The following COL24A1 variants were observed in gnomAD, a reference collection of about 807,000 sequenced individuals.
COL24A1 encodes the protein collagen type XXIV alpha 1 chain.
In COL24A1, 224 loss-of-function variants were observed where a neutral mutation model predicts 253.9. The ratio of observed to expected loss-of-function variants is 0.88; its 90% CI spans 0.79 to 0.99. COL24A1 has a LOEUF of 0.99. Among genes scored for constraint, COL24A1 ranks in the 50% least tolerant of loss-of-function variants. COL24A1 has a pLI of 0.00. For synonymous variants in COL24A1, 685 were observed against 673.7 expected, an observed-to-expected ratio of 1.02 and a Z score of -0.26; for missense variants, 2,131 against 2,068.5, an observed-to-expected ratio of 1.03 and a Z score of -0.59.
intron 20 of COL24A1, among the ~76,000 whole-genome samples, chr1:85,980,955 A>G (rs2100858036): frequency 6.6e-6 from 1 of 152,282 alleles, no homozygotes; most frequent in East Asian, 1.9e-4. Flanking sequence ...AAGGTAAAAG[A>G]CCTCTACAAG....
intron 19 of COL24A1, among the ~76,000 whole-genome samples, chr1:86,001,717 T>C (rs1695430538): frequency 6.6e-6 from 1 of 152,066 alleles, no homozygotes; most frequent in Admixed American, 6.5e-5. Context: ...ACCGATTGTT[T>C]GAGATGGAAA....
intron 12 of COL24A1, chr1:86,045,736 G>T (rs914464074): frequency 3.0e-6 from 1 of 337,684 alleles, no homozygotes; most frequent in African/African-American, 2.1e-5. Flanking sequence ...CAATGTAAAT[G>T]CAGGGAAACA....
intron 24 of COL24A1, among the ~76,000 whole-genome samples, chr1:85,952,712 G>T (rs1243609999): frequency 6.6e-6 from 1 of 152,168 alleles, no homozygotes; most frequent in African/African-American, 2.4e-5. Context: ...AATCATTTAT[G>T]TATTCTCGAT....
At chr1:85,908,025 A>G (rs1372879406) in intron 27 of COL24A1, among the ~76,000 whole-genome samples, 1 of 151,808 alleles carries the variant, frequency 6.6e-6, no homozygotes, top group Non-Finnish European at 1.5e-5. Context: ...CACAAATAAT[A>G]AAAGTCTTCA....
intron 7 of COL24A1, among the ~76,000 whole-genome samples, chr1:86,080,370 T>C (rs1488330860): frequency 6.6e-6 from 1 of 152,158 alleles, no homozygotes; most frequent in East Asian, 1.9e-4. Context: ...TAGTATTTGC[T>C]AGCACAACAG....
chr1:85,941,307 C>T lies in COL24A1; in HGVS notation c.2562+19942G>A, dbSNP rs546876022. On this transcript the variant is annotated intron_variant, in intron 24 of 59. Transcript: ENST00000370571. ...ACTCAGAGTAAGAAAATCTACCATCCGATGCCTCCCCCCACTGTCAATATT... is the reference window on the plus strand; with the variant it reads ...ACTCAGAGTAAGAAAATCTACCATCTGATGCCTCCCCCCACTGTCAATATT... Among the ~76,000 whole-genome samples the T allele has an allele frequency of 4.6e-5, 7 of 152,126 alleles. No individual in the cohort carries two copies. In the East Asian group the frequency reaches 9.7e-4, roughly 21 times the overall value.
At chr1:85,858,623 CCTTCCTT>C (rs1377624607) in intron 37 of COL24A1, among the ~76,000 whole-genome samples, 3 of 82,184 alleles carry the variant, frequency 3.7e-5, no homozygotes, top group Non-Finnish European at 4.7e-5. Context: ...TTTTCTCCCT[CCTTCCTT>C]CCTTCCTTCC....
At chr1:85,748,117 A>G (rs1665467800) in intron 55 of COL24A1, among the ~76,000 whole-genome samples, 1 of 152,182 alleles carries the variant, frequency 6.6e-6, no homozygotes, top group Non-Finnish European at 1.5e-5. Context: ...CCTAATTTTT[A>G]TTTTTGCTTG....
chr1:85,915,204 T>C (rs1167447866), intron 24 of COL24A1, among the ~76,000 whole-genome samples: 2 of 152,228 alleles, frequency 1.3e-5, no homozygotes, highest in Non-Finnish European at 2.9e-5. Context: ...TCCATCTGAC[T>C]GCTTAGGCTG....
At chr1:85,926,239 A>C (rs193120435) in intron 24 of COL24A1, among the ~76,000 whole-genome samples, 1 of 152,342 alleles carries the variant, frequency 6.6e-6, no homozygotes, top group East Asian at 1.9e-4. Flanking sequence ...AGTGTAAACT[A>C]GTTCAACCAT....
chr1:86,144,283 G>C (rs1221711119), intron 2 of COL24A1, among the ~76,000 whole-genome samples: 2 of 151,900 alleles, frequency 1.3e-5, no homozygotes, highest in African/African-American at 4.8e-5. Flanking sequence ...CCTTTTGTTG[G>C]TTCTAGATTT....
chr1:85,832,860 T>C (rs1310086318), intron 43 of COL24A1, among the ~76,000 whole-genome samples: 2 of 150,974 alleles, frequency 1.3e-5, no homozygotes, highest in East Asian at 1.9e-4. Flanking sequence ...TATACAATCA[T>C]GTCATCTGCA....
At chr1:85,846,455 A>G (rs1417128413) in intron 39 of COL24A1, among the ~76,000 whole-genome samples, 1 of 151,988 alleles carries the variant, frequency 6.6e-6, no homozygotes, top group African/African-American at 2.4e-5. Context: ...GATAAATTGC[A>G]GAAAGAAAAG....
Position 85,842,131 on chromosome 1 carries a change from G to C in COL24A1, c.3517-10C>G. On this transcript the variant is annotated splice_polypyrimidine_tract_variant and intron_variant, in intron 40 of 59. Coordinates refer to ENST00000370571, the MANE Select transcript of COL24A1 (RefSeq NM_152890.7). Reference sequence around the variant, plus strand: ...GTTGGCCCTGATGGCCCTACGAAAGGACAAGTAGACATTTATACATGCTCT... The same window carrying C: ...GTTGGCCCTGATGGCCCTACGAAAGCACAAGTAGACATTTATACATGCTCT... 3 of 1,612,500 alleles carry C rather than the reference G, an allele frequency of 1.9e-6. No individual in the cohort carries two copies. Among genetic ancestry groups the C allele is most frequent in the Non-Finnish European group, 2.5e-6 (3 of 1,178,734 alleles).
At chr1:86,052,987 G>T in intron 10 of COL24A1, among the ~76,000 whole-genome samples, 1 of 151,872 alleles carries the variant, frequency 6.6e-6, no homozygotes, top group African/African-American at 2.4e-5. Context: ...AAGAAAAGAG[G>T]GAGAGAGAGA....
At chr1:85,868,976 G>C in intron 35 of COL24A1, 141 bp from the exon 36 acceptor site, 1 of 563,710 alleles carries the variant, frequency 1.8e-6, no homozygotes, top group Non-Finnish European at 3.1e-6. Flanking sequence ...AAGAGGATTT[G>C]ACAGTAAAAT....
At chr1:85,850,845 G>A (rs1445209924) in intron 37 of COL24A1, among the ~76,000 whole-genome samples, 4 of 152,018 alleles carry the variant, frequency 2.6e-5, no homozygotes, top group Non-Finnish European at 5.9e-5. Flanking sequence ...CTCAAAATAT[G>A]CTAGTCGTTA....
intron 55 of COL24A1, among the ~76,000 whole-genome samples, chr1:85,746,634 A>C (rs939351842): frequency 6.6e-6 from 1 of 152,166 alleles, no homozygotes; most frequent in Non-Finnish European, 1.5e-5. Context: ...TGGAAGGAAT[A>C]GGTCAGGGAA....
At chr1:85,768,902 G>C (rs1403428571) in intron 53 of COL24A1, among the ~76,000 whole-genome samples, 1 of 152,110 alleles carries the variant, frequency 6.6e-6, no homozygotes, top group Non-Finnish European at 1.5e-5. Flanking sequence ...CTGGGTACTA[G>C]GTGGTAACAA....
Sources: allele counts gnomAD v4.1 joint callset (sites outside exome capture counted in the v4.1 genomes callset), GRCh38; gene constraint gnomAD v4.1.1; transcripts MANE v1.5; gene names NCBI Gene and HGNC (gene_info 2026-07-23, HGNC 2026-07-21).